The following PATZ1 variants were observed in gnomAD, a reference collection of about 807,000 sequenced individuals.
PATZ1 encodes POZ-, AT hook-, and zinc finger-containing protein 1.
A neutral mutation model predicts 46.2 loss-of-function variants in PATZ1; 9 were observed. The observed-to-expected ratio is 0.19, with a 90% CI of 0.12 to 0.34. PATZ1 has a LOEUF of 0.34. Among genes scored for constraint, PATZ1 ranks in the 10% least tolerant of loss-of-function variants. The probability of loss-of-function intolerance (pLI) is 1.00; values close to 1 mark genes in which losing one functional copy is unlikely to be tolerated. For missense variants in PATZ1, 632 were observed against 923.0 expected (o/e 0.68, Z 4.08); for synonymous variants, 426 against 378.6 (o/e 1.13, Z -1.45).
At chr22:31,332,122 T>C (rs1361677373) in intron 3 of PATZ1, among the ~76,000 whole-genome samples, 1 of 152,106 alleles carries the variant, frequency 6.6e-6, no homozygotes, top group Non-Finnish European at 1.5e-5. Context: ...TGAGTTTTCC[T>C]GAAAAACAGT....
At chr22:31,331,480 C>T (rs2049441904) in intron 3 of PATZ1, among the ~76,000 whole-genome samples, 1 of 151,912 alleles carries the variant, frequency 6.6e-6, no homozygotes, top group African/African-American at 2.4e-5. Flanking sequence ...GCTGGGACTA[C>T]AGGCGCCCGC....
In PATZ1 at chr22:31,341,718, C is replaced by T. The variant is rs779834761; in HGVS notation, c.1335+1179G>A. 3.3e-5 allele frequency: 52 copies of T among 1,572,086 alleles called. 1 individual carries two copies. Among genetic ancestry groups the T allele is most frequent in the South Asian group, 2.9e-4 (24 of 83,464 alleles). On this transcript the variant is annotated intron_variant, in intron 2 of 4. Coordinates refer to ENST00000266269, the MANE Select transcript of PATZ1 (RefSeq NM_014323.3). ...GGGCAGAGAGTGCAGGTTACCCCCC[C>T]AGGCCACCGGGCTTGCCCCCACTGC...
chr22:31,345,748 G>C lies in PATZ1; in HGVS notation c.-146C>G. 1 of 784,162 alleles carries C rather than the reference G, an allele frequency of 1.3e-6. No homozygotes were observed. 48.6% of individuals were successfully genotyped at this position (784,162 alleles called of 1,614,324 possible). On this transcript the variant is annotated 5_prime_UTR_variant, in exon 1 of 5. Coordinates refer to ENST00000266269, the MANE Select transcript of PATZ1 (RefSeq NM_014323.3). The surrounding 1 kb of genome is among the most constrained non-coding windows in gnomAD (Gnocchi z 7.4). Reference sequence around the variant, plus strand: ...CTCTGTAGTCTCGCAGGTGCGCCGAGTGTACACGCCCCCAGCCCGGATCAG... The same window carrying C: ...CTCTGTAGTCTCGCAGGTGCGCCGACTGTACACGCCCCCAGCCCGGATCAG...
intron 3 of PATZ1, among the ~76,000 whole-genome samples, chr22:31,332,256 A>G (rs1037880689): frequency 3.3e-5 from 5 of 152,210 alleles, no homozygotes; most frequent in African/African-American, 1.2e-4. Flanking sequence ...CCTAGAATTT[A>G]AACACAGAGC....
intron 3 of PATZ1, 91 bp downstream of exon 3, chr22:31,335,601 G>A: frequency 8.2e-7 from 1 of 1,219,080 alleles, no homozygotes; most frequent in Non-Finnish European, 1.2e-6. Flanking sequence ...GCAAAGAGTG[G>A]AGTCTGAGGC....
At chr22:31,341,463 C>G (rs1237241508) in intron 2 of PATZ1, 1 of 1,608,220 alleles carries the variant, frequency 6.2e-7, no homozygotes, top group South Asian at 1.1e-5. Context: ...CCAGCCCTGC[C>G]TCAGATATCC....
Position 31,345,048 on chromosome 22 carries a change from G to C in PATZ1, c.555C>G (p.Phe185Leu). 5 of 1,614,176 alleles carry C rather than the reference G, an allele frequency of 3.1e-6. No individual in the cohort carries two copies. The highest frequency in any genetic ancestry group is 4.2e-6 in the Non-Finnish European group (5 of 1,180,026). ...FRPPGTSDLG[F>L]PLDMTNGAAL... ...CTGCCCCGTTGGTCATGTCCAAAGG[G>C]AAGCCCAAGTCCGAGGTCCCAGGGG... Residue 185 changes from phenylalanine to leucine, a missense_variant, in exon 1 of 5, where the codon TTC (phenylalanine) becomes TTG (leucine). Physicochemically the swap from Phe to Leu is conservative, Grantham distance 22. Around this residue, in one of 7 missense-constraint regions of PATZ1, gnomAD observed 279 missense variants for 284.3 expected, o/e 0.98. Transcript: ENST00000266269. This position sits in a 1 kb window ranked among gnomAD's most constrained non-coding sequence, Gnocchi z 7.4.
chr22:31,331,700 G>C (rs1478603105), intron 3 of PATZ1, among the ~76,000 whole-genome samples: 1 of 152,130 alleles, frequency 6.6e-6, no homozygotes, highest in Non-Finnish European at 1.5e-5. Context: ...CTCTCTCCCT[G>C]TGATGAACCA....
Position 31,342,945 on chromosome 22 carries a change from G to C in PATZ1, c.1287C>G (p.Asn429Lys), listed in dbSNP as rs746613842. The C allele has an allele frequency of 6.2e-7, 1 of 1,613,970 alleles. No homozygotes were observed. Among genetic ancestry groups the C allele is most frequent in the Non-Finnish European group, 8.5e-7 (1 of 1,179,894 alleles). The change falls in exon 2 of 5, where the codon AAC (asparagine) becomes AAG (lysine). Residue 429 changes from asparagine to lysine, a missense_variant. Physicochemically the swap from Asn to Lys is moderately conservative, Grantham distance 94 (BLOSUM62 0). Transcript: ENST00000266269. ...GKGFSRPDHL[N>K]GHIKQVHTSE... Reference sequence around the variant, plus strand: ...AAGTGTGCACCTGCTTGATATGTCCGTTCAAGTGATCAGGCCTGGAAAAGA... The same window carrying C: ...AAGTGTGCACCTGCTTGATATGTCCCTTCAAGTGATCAGGCCTGGAAAAGA...
intron 3 of PATZ1, among the ~76,000 whole-genome samples, chr22:31,333,849 C>T (rs1295697911): frequency 6.6e-6 from 1 of 152,214 alleles, no homozygotes; most frequent in Admixed American, 6.5e-5. Flanking sequence ...TTTGCCACAT[C>T]AGCTGCTTCC....
chr22:31,327,034 G>C lies in PATZ1; in HGVS notation c.1921C>G (p.Pro641Ala), dbSNP rs368152891. The C allele has an allele frequency of 1.1e-5, 17 of 1,614,236 alleles. No homozygotes were observed. Among genetic ancestry groups the C allele is most frequent in the Non-Finnish European group, 1.2e-5 (14 of 1,180,042 alleles). ...ALGGPLGDLG[P>A]ALGSPFSPQQ... ...GGAGAGAAAGGTGAGCCAAGGGCAG[G>C]GCCCAGGTCCCCCAGGGGGCCCCCG... is the stretch of plus-strand genomic sequence containing the variant. The change falls in exon 5 of 5, where the codon CCT becomes GCT. Residue 641 changes from proline to alanine, a missense_variant. Physicochemically the swap from Pro to Ala is conservative, Grantham distance 27. Coordinates refer to ENST00000266269, the MANE Select transcript of PATZ1 (RefSeq NM_014323.3). This position sits in a 1 kb window ranked among gnomAD's most constrained non-coding sequence, Gnocchi z 4.2.
At chr22:31,335,918 TC>T in intron 2 of PATZ1, 55 bp from the exon 3 acceptor site, 1 of 1,531,944 alleles carries the variant, frequency 6.5e-7, no homozygotes, top group Non-Finnish European at 9.0e-7. Flanking sequence ...CACACCTGAC[TC>T]CCCACCAAGT....
At position 31,345,729 on chromosome 22, in the gene PATZ1, A is replaced by G. The variant is rs1457162370; in HGVS notation, c.-127T>C. ...CACACGTGCCGGCCCGAGGCTCTGT[A>G]GTCTCGCAGGTGCGCCGAGTGTACA... On this transcript the variant is annotated 5_prime_UTR_variant, in exon 1 of 5. Transcript: ENST00000266269. The surrounding 1 kb of genome is among the most constrained non-coding windows in gnomAD (Gnocchi z 7.4). The G allele has an allele frequency of 1.4e-5, 14 of 976,256 alleles. No individual in the cohort carries two copies. The highest frequency in any genetic ancestry group is 1.8e-5 in the Non-Finnish European group (12 of 683,420). 60.5% of individuals were successfully genotyped at this position (976,256 alleles called of 1,614,324 possible).
rs1356999048 is a variant in PATZ1, at chr22:31,327,207, T to C, written c.1748A>G (p.Asn583Ser). Residue 583 changes from asparagine to serine, a missense_variant, in exon 5 of 5, where the codon AAT becomes AGT. Around this residue, in one of 7 missense-constraint regions of PATZ1, gnomAD observed 176 missense variants for 249.4 expected, o/e 0.71. Transcript: ENST00000266269. This position sits in a 1 kb window ranked among gnomAD's most constrained non-coding sequence, Gnocchi z 4.2. ...TGCCATGTCGCAGGAGAAAGAGCCA[T>C]TGGCACTCTGCTTCTCTGGCGTCTT... Reference protein sequence around the residue: ...DLKTPEKQSANGSFSCDMAVP... With the variant: ...DLKTPEKQSASGSFSCDMAVP... 3.1e-6 allele frequency: 5 copies of C among 1,614,092 alleles called. No individual in the cohort carries two copies. The highest frequency in any genetic ancestry group is 2.2e-5 in the South Asian group (2 of 91,094).
chr22:31,345,113 G>C lies in PATZ1; in HGVS notation c.490C>G (p.Leu164Val), dbSNP rs747817525. ...ATATCGGCGCGGGCAGGGGGTACCA[G>C]GATCTGTACGTTGGACTGTTTGATG... The part of the protein sequence containing the change: ...EVIKQSNVQI[L>V]VPPARADIML... The change falls in exon 1 of 5, where the codon CTG (leucine) becomes GTG (valine). Residue 164 changes from leucine (L) to valine (V), a missense_variant. Around this residue, in one of 7 missense-constraint regions of PATZ1, gnomAD observed 279 missense variants for 284.3 expected, o/e 0.98. Transcript: ENST00000266269. This position sits in a 1 kb window ranked among gnomAD's most constrained non-coding sequence, Gnocchi z 7.4. The C allele has an allele frequency of 4.3e-6, 7 of 1,614,090 alleles. No individual in the cohort carries two copies. The highest frequency in any genetic ancestry group is 3.4e-6 in the Non-Finnish European group (4 of 1,180,048).
In PATZ1 at chr22:31,335,956, G is replaced by A. The variant is rs2049503927; in HGVS notation, c.1336-93C>T. 1.7e-6 allele frequency: 2 copies of A among 1,154,176 alleles called. 1 individual carries two copies. Among genetic ancestry groups the A allele is most frequent in the South Asian group, 2.8e-5 (2 of 71,698 alleles). 71.5% of individuals were successfully genotyped at this position (1,154,176 alleles called of 1,614,324 possible). A position where few individuals can be genotyped will look rare whatever the true frequency, so the allele number is the denominator to read the frequency against. ...CACCATGAAGCAAAGGCAATTTCTGGCCATCACATGACCTCCCTTTATAAA... is the reference window on the plus strand; with the variant it reads ...CACCATGAAGCAAAGGCAATTTCTGACCATCACATGACCTCCCTTTATAAA... On this transcript the variant is annotated intron_variant, in intron 2 of 4. Transcript: ENST00000266269.
chr22:31,335,071 C>A (rs2049491646), intron 3 of PATZ1, among the ~76,000 whole-genome samples: 1 of 152,186 alleles, frequency 6.6e-6, no homozygotes, highest in Non-Finnish European at 1.5e-5. Flanking sequence ...CTTCACCCAA[C>A]ACAACACCAC....
intron 2 of PATZ1, 37 bp downstream of exon 2, chr22:31,342,860 C>T: frequency 6.2e-7 from 1 of 1,610,588 alleles, no homozygotes; most frequent in South Asian, 1.1e-5. Context: ...ACAGCATCAT[C>T]TCCTTCAGCC....
intron 3 of PATZ1, among the ~76,000 whole-genome samples, chr22:31,334,330 C>G (rs1446885012): frequency 6.6e-6 from 1 of 152,214 alleles, no homozygotes; most frequent in Non-Finnish European, 1.5e-5. Context: ...ACAGAACAGA[C>G]AGCTTAAGAG....
Sources: gnomAD v4.1 joint callset for allele counts (sites outside exome capture counted in the v4.1 genomes callset) on GRCh38, gnomAD v4.1.1 for gene constraint, gnomAD v4.1.1 regional missense constraint, Gnocchi (gnomAD v3.1) non-coding constraint, MANE v1.5 for transcripts, NCBI Gene and HGNC (gene_info 2026-07-23, HGNC 2026-07-21) for gene names.